Variants in CNTNAP5 observed in about 807,000 individuals in gnomAD.
CNTNAP5 encodes the protein contactin-associated protein-like 5.
CNTNAP5 carries 72 observed loss-of-function variants against 150.2 expected under a neutral mutation model. The ratio of observed to expected loss-of-function variants is 0.48; its 90% CI spans 0.40 to 0.58. The LOEUF (loss-of-function observed/expected upper bound fraction) is 0.58. Ranked by LOEUF, CNTNAP5 falls within the 20% of genes least tolerant of loss-of-function variation. The probability of loss-of-function intolerance (pLI) is 0.00; values close to 1 mark genes in which losing one functional copy is unlikely to be tolerated. For synonymous variants in CNTNAP5, 672 were observed against 619.8 expected, an observed-to-expected ratio of 1.08 and a Z score of -1.25; for missense variants, 1,636 against 1,626.2, an observed-to-expected ratio of 1.01 and a Z score of -0.10.
chr2:124,282,555 AT>A, intron 3 of CNTNAP5, among the ~76,000 whole-genome samples: 1 of 151,922 alleles, frequency 6.6e-6, no homozygotes, highest in East Asian at 1.9e-4. Context: ...GAAAGTTTCT[AT>A]TTATTAATGT....
chr2:124,835,570 G>A (rs1682812767), intron 19 of CNTNAP5, among the ~76,000 whole-genome samples: 1 of 152,068 alleles, frequency 6.6e-6, no homozygotes, highest in Non-Finnish European at 1.5e-5. Flanking sequence ...TGGTATTAAT[G>A]AAGTCTGAAG....
intron 13 of CNTNAP5, among the ~76,000 whole-genome samples, chr2:124,719,085 G>A (rs965738746): frequency 1.3e-5 from 2 of 152,112 alleles, no homozygotes. Flanking sequence ...CCTTGTCATG[G>A]ATCAAAGTAT....
At chr2:124,154,154 C>G (rs1050935241) in intron 1 of CNTNAP5, among the ~76,000 whole-genome samples, 1 of 152,150 alleles carries the variant, frequency 6.6e-6, no homozygotes, top group Non-Finnish European at 1.5e-5. Flanking sequence ...GTTACACGTT[C>G]TGTTCTTGTG....
chr2:124,871,107 G>T (rs2104726905), intron 21 of CNTNAP5, among the ~76,000 whole-genome samples: 1 of 151,978 alleles, frequency 6.6e-6, no homozygotes, highest in East Asian at 1.9e-4. Flanking sequence ...TTCAGATACT[G>T]CTTATTTTTG....
chr2:124,162,841 T>A (rs1684718209), intron 1 of CNTNAP5, among the ~76,000 whole-genome samples: 1 of 152,082 alleles, frequency 6.6e-6, no homozygotes, highest in South Asian at 2.1e-4. Flanking sequence ...CAAGGCATGT[T>A]TTTTATGCAT....
chr2:124,627,664 C>A (rs1210606296), intron 12 of CNTNAP5, among the ~76,000 whole-genome samples: 1 of 152,166 alleles, frequency 6.6e-6, no homozygotes. Context: ...CTCTTCTCCT[C>A]CAAATGATTG....
At chr2:124,465,626 C>T (rs963855947) in intron 6 of CNTNAP5, among the ~76,000 whole-genome samples, 3 of 152,116 alleles carry the variant, frequency 2.0e-5, no homozygotes, top group Non-Finnish European at 4.4e-5. Flanking sequence ...CAGATATTAT[C>T]TGTGCCTCTG....
chr2:124,106,946 T>G (rs1201453782), intron 1 of CNTNAP5, among the ~76,000 whole-genome samples: 2 of 151,256 alleles, frequency 1.3e-5, no homozygotes, highest in Non-Finnish European at 3.0e-5. Context: ...AATTGATTGG[T>G]GTGAGGGAAA....
At chr2:124,567,472 A>T (rs1696050172) in intron 11 of CNTNAP5, among the ~76,000 whole-genome samples, 1 of 152,184 alleles carries the variant, frequency 6.6e-6, no homozygotes, top group African/African-American at 2.4e-5. Context: ...TGAAGAGGAA[A>T]CCTACCTCAT....
At chr2:124,685,483 T>A (rs1288419805) in intron 13 of CNTNAP5, among the ~76,000 whole-genome samples, 1 of 152,164 alleles carries the variant, frequency 6.6e-6, no homozygotes, top group Non-Finnish European at 1.5e-5. Context: ...CATCTCTTCA[T>A]TGAAAGAAAA....
intron 1 of CNTNAP5, among the ~76,000 whole-genome samples, chr2:124,199,920 TGA>T (rs986982033): frequency 6.6e-6 from 1 of 152,242 alleles, no homozygotes; most frequent in African/African-American, 2.4e-5. Context: ...CCATGAATAA[TGA>T]GAGTTACACT....
chr2:124,156,768 C>T (rs1313378056), intron 1 of CNTNAP5, among the ~76,000 whole-genome samples: 13 of 152,172 alleles, frequency 8.5e-5, no homozygotes, highest in African/African-American at 1.4e-4. Flanking sequence ...GGATTACAGG[C>T]GTGAGCCACC....
chr2:124,550,113 C>G (rs1695595748), intron 10 of CNTNAP5, among the ~76,000 whole-genome samples: 1 of 152,220 alleles, frequency 6.6e-6, no homozygotes, highest in South Asian at 2.1e-4. Flanking sequence ...ACTAACATTG[C>G]TAGTGCAGTG....
chr2:124,873,305 G>A (rs1013680896), intron 21 of CNTNAP5, among the ~76,000 whole-genome samples: 3 of 152,032 alleles, frequency 2.0e-5, no homozygotes, highest in African/African-American at 7.2e-5. Context: ...CCATTCAGGA[G>A]AAATCCTCCC....
chr2:124,747,025 AC>A (rs1310579081), intron 13 of CNTNAP5, among the ~76,000 whole-genome samples: 2 of 152,166 alleles, frequency 1.3e-5, no homozygotes, highest in African/African-American at 2.4e-5. Flanking sequence ...AAAAGAAGGA[AC>A]AAAAAAATGA....
intron 3 of CNTNAP5, among the ~76,000 whole-genome samples, chr2:124,404,979 A>G (rs1171010603): frequency 1.4e-5 from 2 of 143,726 alleles, no homozygotes; most frequent in African/African-American, 5.1e-5. Flanking sequence ...CATTTATCTC[A>G]TTATAACTTT....
intron 3 of CNTNAP5, among the ~76,000 whole-genome samples, chr2:124,303,173 T>G (rs1688605790): frequency 6.6e-6 from 1 of 152,054 alleles, no homozygotes; most frequent in Non-Finnish European, 1.5e-5. Flanking sequence ...TTTTTTTCAT[T>G]TTTTCTAAGC....
At chr2:124,309,506 A>C (rs1688772448) in intron 3 of CNTNAP5, among the ~76,000 whole-genome samples, 1 of 152,210 alleles carries the variant, frequency 6.6e-6, no homozygotes, top group Non-Finnish European at 1.5e-5. Flanking sequence ...CTCTATTTTC[A>C]TATTTGATCT....
intron 3 of CNTNAP5, among the ~76,000 whole-genome samples, chr2:124,345,630 T>A (rs1184609032): frequency 1.3e-5 from 2 of 152,192 alleles, no homozygotes; most frequent in Non-Finnish European, 2.9e-5. Flanking sequence ...ATTTTCATAG[T>A]ATCCATTATT....
Sources: gnomAD v4.1 joint callset for allele counts (sites outside exome capture counted in the v4.1 genomes callset) on GRCh38, gnomAD v4.1.1 for gene constraint, MANE v1.5 for transcripts, NCBI Gene and HGNC (gene_info 2026-07-23, HGNC 2026-07-21) for gene names.